KDM5C: variants seen among roughly 807,000 people sequenced by gnomAD.
KDM5C encodes the protein lysine-specific demethylase 5C.
Under a neutral mutation model 110.6 loss-of-function variants are expected in KDM5C, and 16 were observed. The ratio of observed to expected loss-of-function variants is 0.14; its 90% CI spans 0.10 to 0.22. The LOEUF (loss-of-function observed/expected upper bound fraction) is 0.22, where lower values mean the gene tolerates loss of function less well. Ranked by LOEUF, KDM5C falls within the 10% of genes least tolerant of loss-of-function variation. KDM5C has a pLI of 1.00. For synonymous variants in KDM5C, 511 were observed against 520.4 expected, an observed-to-expected ratio of 0.98 and a Z score of 0.24; for missense variants, 681 against 1,300.9, an observed-to-expected ratio of 0.52 and a Z score of 7.33.
Position 53,194,610 on chromosome X carries a change from C to T in KDM5C, c.3567G>A (p.Val1189=). 2 of 1,212,247 alleles carry T rather than the reference C, an allele frequency of 1.6e-6. No individual in the cohort carries two copies. Among genetic ancestry groups the T allele is most frequent in the Non-Finnish European group, 2.2e-6 (2 of 895,575 alleles). ...CCGCCCCAGCCAGCACCTGCCCACA[C>T]ACACAGATAGAGGTTGTAGAGGAGG... is the stretch of plus-strand genomic sequence containing the variant. ...STASSTTSIC[V]CGQVLAGAGA... Residue 1189 remains valine (V), a synonymous_variant, in exon 23 of 26, where the codon GTG becomes GTA. Transcript: ENST00000375401.
exon 26 of KDM5C, among the ~76,000 whole-genome samples, chrX:53,176,328 G>GA (rs2146777906): frequency 8.9e-6 from 1 of 111,974 alleles, no homozygotes; most frequent in Admixed American, 9.5e-5. Context: ...GGAGATGGGA[G>GA]ACCAGTCTCA....
In KDM5C at chrX:53,216,225, G is replaced by C. The variant is rs1193194204; in HGVS notation, c.658-28C>G. The C allele has an allele frequency of 3.3e-6, 4 of 1,207,852 alleles. No individual in the cohort carries two copies. The African/African-American group carries it at 7.0e-5, about 21-fold the overall frequency. On this transcript the variant is annotated intron_variant, in intron 5 of 25. Transcript: ENST00000375401. Reference sequence around the variant, plus strand: ...GGAAGGAAAGAAGGAAATGAATCAAGACTGCTATCTGGGGCAGACTGTCCC... The same window carrying C: ...GGAAGGAAAGAAGGAAATGAATCAACACTGCTATCTGGGGCAGACTGTCCC...
At chrX:53,189,139 AGGCGTGGAGGT>A (rs1556829193), downstream of KDM5C, among the ~76,000 whole-genome samples, 1 of 112,565 alleles carries the variant, frequency 8.9e-6, no homozygotes, top group Non-Finnish European at 1.9e-5. Flanking sequence ...CAATAGAGAT[AGGCGTGGAGGT>A]TATGTACCTC....
At chrX:53,214,654 C>T (rs782163641) in intron 8 of KDM5C, 35 bp downstream of exon 8, 2 of 1,188,720 alleles carry the variant, frequency 1.7e-6, no homozygotes, top group Middle Eastern at 2.3e-4. Flanking sequence ...GGCAAGGAAG[C>T]CCTATGAGGC....
At chrX:53,180,262 G>T (rs1933996606) in intron 25 of KDM5C, among the ~76,000 whole-genome samples, 1 of 111,595 alleles carries the variant, frequency 9.0e-6, no homozygotes, top group Admixed American at 9.6e-5. Flanking sequence ...ATCAGAGGTT[G>T]CTAGGAGTTA....
In KDM5C at chrX:53,192,573, G is replaced by A; in HGVS notation, c.*394C>T. Reference sequence around the variant, plus strand: ...GAGGAGAGTGGGGGCAGGGGTTAGTGTAGCATGGCCTGGCCAGGACCAGAA... The same window carrying A: ...GAGGAGAGTGGGGGCAGGGGTTAGTATAGCATGGCCTGGCCAGGACCAGAA... On this transcript the variant is annotated 3_prime_UTR_variant, in exon 26 of 26. Transcript: ENST00000375401. 2 of 461,075 alleles carry A rather than the reference G, an allele frequency of 4.3e-6. No individual in the cohort carries two copies. The highest frequency in any genetic ancestry group is 7.5e-6 in the Non-Finnish European group (2 of 265,342). The allele number at this position is 461,075 out of a possible 1,213,427, so 38.0% of individuals were successfully genotyped here. A position where few individuals can be genotyped will look rare whatever the true frequency, so the allele number is the denominator to read the frequency against.
intron 8 of KDM5C, 85 bp downstream of exon 8, chrX:53,214,604 T>C: frequency 9.5e-7 from 1 of 1,056,525 alleles, no homozygotes; most frequent in Non-Finnish European, 1.3e-6. Context: ...AGACTATGGC[T>C]GAGCTAAGAG....
In KDM5C at chrX:53,192,833, CAG is replaced by C; in HGVS notation, c.*132_*133del. 3.7e-6 allele frequency: 4 copies of C among 1,093,768 alleles called. No homozygotes were observed. Among genetic ancestry groups the C allele is most frequent in the Non-Finnish European group, 4.9e-6 (4 of 820,062 alleles). The allele number at this position is 1,093,768 out of a possible 1,213,427, so 90.1% of individuals were successfully genotyped here. ...GTCAGAATACAAAAGTCAAGGGACT[CAG>C]GGGTGGGCGGGTAGCAGGGATGGCC... On this transcript the variant is annotated 3_prime_UTR_variant, in exon 26 of 26. Coordinates refer to ENST00000375401, the MANE Select transcript of KDM5C (RefSeq NM_004187.5).
At chrX:53,204,238 CTTTTTTTTTTTTT>C (rs10604955) in intron 12 of KDM5C, among the ~76,000 whole-genome samples, 1 of 60,797 alleles carries the variant, frequency 1.6e-5, no homozygotes, top group African/African-American at 6.2e-5. Flanking sequence ...AAAGAAAATC[CTTTTTTTTTTTTT>C]TTTTTTTTTT....
chrX:53,201,622 C>T lies in KDM5C; in HGVS notation c.1989G>A (p.Ala663=), dbSNP rs782589500. 9.1e-6 allele frequency: 11 copies of T among 1,210,434 alleles called. No individual in the cohort carries two copies. Among genetic ancestry groups the T allele is most frequent in the African/African-American group, 7.0e-5 (4 of 57,247 alleles). ...ACPEKLDLNL[A]AAVHKEMFIM... ...TGAACATCTCCTTATGCACAGCTGC[C>T]GCCAGGTTCAGGTCTAGCTTCTCTG... The change falls in exon 14 of 26, where the codon GCG becomes GCA. Residue 663 remains alanine, a synonymous_variant. Transcript: ENST00000375401.
chrX:53,199,234 C>T (rs189211158), intron 14 of KDM5C, 76 bp from the exon 15 acceptor site: 1 of 1,034,576 alleles, frequency 9.7e-7, no homozygotes, highest in African/African-American at 1.8e-5. Flanking sequence ...CACCACCGAC[C>T]CCTACTTTAG....
At position 53,193,601 on chromosome X, in the gene KDM5C, T is replaced by C. The variant is rs1556832994; in HGVS notation, c.4153A>G (p.Thr1385Ala). ...TCAGGCAGTTCCAACACAGGGCCAG[T>C]CAACTGTGGCAACAGCGAGGACAGC... is the stretch of plus-strand genomic sequence containing the variant. ...ELLSSLLPQL[T>A]GPVLELPEAT... Residue 1385 changes from threonine to alanine, a missense_variant, in exon 25 of 26, where the codon ACT becomes GCT. Physicochemically the swap from Thr to Ala is moderately conservative, Grantham distance 58. Transcript: ENST00000375401. 1.7e-6 allele frequency: 2 copies of C among 1,211,796 alleles called. No homozygotes were observed. The highest frequency in any genetic ancestry group is 4.3e-5 in the Admixed American group (2 of 46,061).
rs1168546384 is a variant in KDM5C, at chrX:53,198,971, G to C, written c.2243+6C>G. 2.5e-6 allele frequency: 3 copies of C among 1,211,754 alleles called. No individual in the cohort carries two copies. The highest frequency in any genetic ancestry group is 5.9e-5 in the East Asian group (2 of 33,847). The stretch of plus-strand genomic sequence containing the variant: ...CCCCACTTCCTCCAGAAAGGCCCAT[G>C]CTCACCGCAGGTACTGCCGGCTACT... On this transcript the variant is annotated splice_donor_region_variant and intron_variant, in intron 15 of 25. Transcript: ENST00000375401.
chrX:53,180,050 A>C (rs187360371), intron 25 of KDM5C, among the ~76,000 whole-genome samples: 1 of 112,175 alleles, frequency 8.9e-6, no homozygotes, highest in Admixed American at 9.5e-5. Flanking sequence ...TCAGTAAGTA[A>C]ATAGATAAAA....
At chrX:53,207,078 G>A (rs1210397176) in intron 12 of KDM5C, among the ~76,000 whole-genome samples, 15 of 100,873 alleles carry the variant, frequency 1.5e-4, no homozygotes, top group African/African-American at 5.1e-4. Context: ...TTGGGAGGCT[G>A]AGACAGGAGA....
At chrX:53,214,450 T>C in intron 8 of KDM5C, 1 of 415,173 alleles carries the variant, frequency 2.4e-6, no homozygotes, top group East Asian at 3.9e-5. Context: ...TCTGTTTATA[T>C]GTCACCACAT....
chrX:53,217,041 CA>C (rs1200028542), intron 5 of KDM5C, 101 bp downstream of exon 5: 1 of 1,000,529 alleles, frequency 1.0e-6, no homozygotes, highest in Non-Finnish European at 1.4e-6. Context: ...ACTCAGAGAA[CA>C]AAAGAAGGGA....
chrX:53,194,045 G>C, intron 23 of KDM5C, 94 bp downstream of exon 23: 1 of 1,109,659 alleles, frequency 9.0e-7, no homozygotes, highest in South Asian at 1.9e-5. Flanking sequence ...AAAGAAAACT[G>C]AAAATTGGAG....
Position 53,218,331 on chromosome X carries a change from G to A in KDM5C, c.296C>T (p.Ser99Phe), listed in dbSNP as rs1370980638. The A allele has an allele frequency of 8.3e-7, 1 of 1,207,938 alleles. No individual in the cohort carries two copies. The highest frequency in any genetic ancestry group is 1.1e-6 in the Non-Finnish European group (1 of 893,482). ...CCGTTCTACATTGGGAATCTTTAAG[G>A]AGGAGCCCTGGATTTCCCAGAATTT... ...IAKFWEIQGS[S>F]LKIPNVERRI... The change falls in exon 3 of 26, where the codon TCC becomes TTC. Residue 99 changes from serine (S) to phenylalanine (F), a missense_variant. Physicochemically the swap from Ser to Phe is radical, Grantham distance 155. Around this residue, in one of 14 missense-constraint regions of KDM5C, gnomAD observed 55 missense variants for 118.0 expected, o/e 0.47. Coordinates refer to ENST00000375401, the MANE Select transcript of KDM5C (RefSeq NM_004187.5).
Sources: allele counts gnomAD v4.1 joint callset (sites outside exome capture counted in the v4.1 genomes callset), GRCh38; gene constraint gnomAD v4.1.1; regional missense constraint gnomAD v4.1.1; transcripts MANE v1.5; gene names NCBI Gene and HGNC (gene_info 2026-07-23, HGNC 2026-07-21).